ZHX2: variants seen among roughly 807,000 people sequenced by gnomAD.
The protein encoded by ZHX2 is zinc fingers and homeoboxes protein 2.
ZHX2 carries 6 observed loss-of-function variants against 21.9 expected under a neutral mutation model. That is an observed-to-expected ratio of 0.27 (90% CI 0.15 to 0.54). The LOEUF (loss-of-function observed/expected upper bound fraction) is 0.54. Ranked by LOEUF, ZHX2 falls within the 20% of genes least tolerant of loss-of-function variation. ZHX2 has a pLI of 0.95. For synonymous variants in ZHX2, 434 were observed against 437.1 expected (o/e 0.99, Z 0.09); for missense variants, 908 against 1,090.7 (o/e 0.83, Z 2.36).
intron 2 of ZHX2, among the ~76,000 whole-genome samples, chr8:122,947,985 C>T (rs1813019768): frequency 6.6e-6 from 1 of 152,062 alleles, no homozygotes; most frequent in Non-Finnish European, 1.5e-5. Context: ...GAAACGGCTG[C>T]CCTCTTCTCT....
chr8:122,878,599 A>G (rs1040942736), intron 2 of ZHX2, among the ~76,000 whole-genome samples: 1 of 152,174 alleles, frequency 6.6e-6, no homozygotes, highest in African/African-American at 2.4e-5. Flanking sequence ...GAGCTTTTTC[A>G]GGTCTTGGCT....
intron 1 of ZHX2, among the ~76,000 whole-genome samples, chr8:122,794,693 C>T (rs1472219444): frequency 1.3e-5 from 2 of 152,098 alleles, no homozygotes; most frequent in African/African-American, 4.8e-5. Flanking sequence ...TGAGCTCTAC[C>T]CACCAGGCAT....
At chr8:122,877,988 G>T (rs906469713) in intron 2 of ZHX2, among the ~76,000 whole-genome samples, 4 of 152,110 alleles carry the variant, frequency 2.6e-5, no homozygotes, top group African/African-American at 9.7e-5. Context: ...AGACATAAGG[G>T]GGAGAGCAAA....
At chr8:122,841,202 A>G (rs1818616763) in intron 1 of ZHX2, among the ~76,000 whole-genome samples, 1 of 152,088 alleles carries the variant, frequency 6.6e-6, no homozygotes, top group African/African-American at 2.4e-5. Context: ...GCAGGAAACC[A>G]CTAGCCCTAA....
Position 122,952,132 on chromosome 8 carries a change from C to T in ZHX2, c.622C>T (p.Pro208Ser), listed in dbSNP as rs770900574. The T allele has an allele frequency of 3.1e-6, 5 of 1,613,506 alleles. No homozygotes were observed. Among genetic ancestry groups the T allele is most frequent in the East Asian group, 2.2e-5 (1 of 44,856 alleles). Reference sequence around the variant, plus strand: ...GCCCAAGAAGCCCGAGGAGATCACCCCCGAGAACCACGTGGAAGGGACCGC... The same window carrying T: ...GCCCAAGAAGCCCGAGGAGATCACCTCCGAGAACCACGTGGAAGGGACCGC... ...KVPKKPEEIT[P>S]ENHVEGTARL... Residue 208 changes from proline (P) to serine (S), a missense_variant, in exon 3 of 4, where the codon CCC becomes TCC. By Grantham distance (74) the Pro-to-Ser change is moderately conservative. Coordinates refer to ENST00000314393, the MANE Select transcript of ZHX2 (RefSeq NM_014943.5). The surrounding 1 kb of genome is among the most constrained non-coding windows in gnomAD (Gnocchi z 6.9).
chr8:122,872,835 T>C (rs1819473663), intron 2 of ZHX2, among the ~76,000 whole-genome samples: 1 of 152,002 alleles, frequency 6.6e-6, no homozygotes, highest in South Asian at 2.1e-4. Flanking sequence ...GCGTCGTGTC[T>C]CTCCATCTCT....
intron 1 of ZHX2, among the ~76,000 whole-genome samples, chr8:122,793,924 C>A (rs180732486): frequency 9.8e-5 from 15 of 152,340 alleles, no homozygotes; most frequent in Admixed American, 7.8e-4. Context: ...TGCTGGCACA[C>A]CCTGAGTGTG....
intron 2 of ZHX2, among the ~76,000 whole-genome samples, chr8:122,892,580 T>C (rs895050972): frequency 1.3e-5 from 2 of 152,256 alleles, no homozygotes; most frequent in African/African-American, 2.4e-5. Flanking sequence ...TTTGTGTATC[T>C]GCTTTACCAG....
intron 2 of ZHX2, among the ~76,000 whole-genome samples, chr8:122,879,800 A>G (rs544383085): frequency 6.6e-6 from 1 of 152,160 alleles, no homozygotes; most frequent in South Asian, 2.1e-4. Context: ...GGCCTTGGAT[A>G]TATCACTTGC....
At position 122,807,256 on chromosome 8, in the gene ZHX2, GTATT is replaced by G. The variant is rs372337744; in HGVS notation, c.-283+25315_-283+25318del. ...CAACATCACTTGGGCCCTGAATAAT[GTATT>G]TATTGAAAAATGAAATTGAAAATAT... On this transcript the variant is annotated intron_variant, in intron 1 of 3. Transcript: ENST00000314393. 2.9e-3 allele frequency among the ~76,000 whole-genome samples: 438 copies of G among 152,230 alleles called. 2 individuals carry two copies. Among genetic ancestry groups the G allele is most frequent in the African/African-American group, 0.01 (427 of 41,532 alleles).
intron 2 of ZHX2, among the ~76,000 whole-genome samples, chr8:122,945,081 A>G (rs1163106999): frequency 6.6e-6 from 1 of 152,106 alleles, no homozygotes; most frequent in Non-Finnish European, 1.5e-5. Flanking sequence ...CCTTGATCTC[A>G]GACTTCCAGC....
chr8:122,922,953 AGTTCAGCCT>A (rs1820773486), intron 2 of ZHX2, among the ~76,000 whole-genome samples: 1 of 152,200 alleles, frequency 6.6e-6, no homozygotes, highest in South Asian at 2.1e-4. Flanking sequence ...CAAAGGGGGC[AGTTCAGCCT>A]CTGTCTTCCA....
At chr8:122,949,557 G>A (rs1297972964) in intron 2 of ZHX2, among the ~76,000 whole-genome samples, 1 of 152,068 alleles carries the variant, frequency 6.6e-6, no homozygotes, top group Non-Finnish European at 1.5e-5. Flanking sequence ...TATTAAAACA[G>A]TCTTCTTGGC....
intron 1 of ZHX2, among the ~76,000 whole-genome samples, chr8:122,857,310 T>C (rs932244906): frequency 1.3e-5 from 2 of 148,216 alleles, no homozygotes; most frequent in African/African-American, 5.0e-5. Flanking sequence ...TGAAGAGACA[T>C]CAGTGAGCAA....
intron 1 of ZHX2, among the ~76,000 whole-genome samples, chr8:122,836,381 G>A (rs1818497209): frequency 6.6e-6 from 1 of 152,202 alleles, no homozygotes; most frequent in African/African-American, 2.4e-5. Flanking sequence ...CGGCTGCTGT[G>A]GCTTGCTCTC....
chr8:122,893,827 T>C (rs1820037423), intron 2 of ZHX2, among the ~76,000 whole-genome samples: 1 of 152,248 alleles, frequency 6.6e-6, no homozygotes, highest in South Asian at 2.1e-4. Context: ...GATTTCCTCT[T>C]CTTTGGGATC....
intron 1 of ZHX2, among the ~76,000 whole-genome samples, chr8:122,786,114 T>C (rs1057299216): frequency 6.6e-6 from 1 of 152,212 alleles, no homozygotes; most frequent in Non-Finnish European, 1.5e-5. Context: ...CTTAACCTGA[T>C]GTGAGTCAGC....
intron 2 of ZHX2, among the ~76,000 whole-genome samples, chr8:122,925,036 C>T (rs934430887): frequency 7.2e-5 from 11 of 152,114 alleles, no homozygotes; most frequent in African/African-American, 2.7e-4. Flanking sequence ...TAGAAGAACT[C>T]CTAGAGAGGA....
chr8:122,963,883 G>A (rs1455488102), intron 3 of ZHX2, among the ~76,000 whole-genome samples: 5 of 149,916 alleles, frequency 3.3e-5, no homozygotes, highest in African/African-American at 1.2e-4. Context: ...TTTTGTTGTT[G>A]TTTCTTTGTT....
Sources: gnomAD v4.1 joint callset for allele counts (sites outside exome capture counted in the v4.1 genomes callset) on GRCh38, gnomAD v4.1.1 for gene constraint, Gnocchi (gnomAD v3.1) non-coding constraint, MANE v1.5 for transcripts, NCBI Gene and HGNC (gene_info 2026-07-23, HGNC 2026-07-21) for gene names.